The following MAN1C1 variants were observed in gnomAD, a reference collection of about 807,000 sequenced individuals.
MAN1C1 encodes the protein mannosidase alpha class 1C member 1.
Under a neutral mutation model 71.5 loss-of-function variants are expected in MAN1C1, and 49 were observed. The ratio of observed to expected loss-of-function variants is 0.69; its 90% CI spans 0.54 to 0.87. The LOEUF is 0.87. Among genes scored for constraint, MAN1C1 ranks in the 40% least tolerant of loss-of-function variants. The pLI is 0.00. For synonymous variants in MAN1C1, 352 were observed against 343.7 expected, an observed-to-expected ratio of 1.02 and a Z score of -0.27; for missense variants, 743 against 835.0, an observed-to-expected ratio of 0.89 and a Z score of 1.36.
chr1:25,682,962 TG>T (rs983284795), intron 1 of MAN1C1, among the ~76,000 whole-genome samples: 1 of 150,238 alleles, frequency 6.7e-6, no homozygotes, highest in Non-Finnish European at 1.5e-5. Flanking sequence ...TGCTTGAGTC[TG>T]GGAGGCAGAG....
intron 2 of MAN1C1, among the ~76,000 whole-genome samples, chr1:25,741,393 A>T (rs2047062393): frequency 6.6e-6 from 1 of 152,214 alleles, no homozygotes; most frequent in African/African-American, 2.4e-5. Context: ...GGGAGGAACC[A>T]GCACAGGAGA....
chr1:25,733,743 C>T (rs559854554), intron 2 of MAN1C1, among the ~76,000 whole-genome samples: 4 of 152,242 alleles, frequency 2.6e-5, no homozygotes, highest in South Asian at 2.1e-4. Context: ...CCTCAATCTT[C>T]GTCTGTAAGA....
chr1:25,768,905 C>T (rs1358404356), intron 7 of MAN1C1, among the ~76,000 whole-genome samples: 1 of 147,294 alleles, frequency 6.8e-6, no homozygotes, highest in Non-Finnish European at 1.5e-5. Flanking sequence ...ATTACACACA[C>T]TTTCCTCACA....
intron 9 of MAN1C1, chr1:25,780,700 T>G: frequency 2.1e-6 from 1 of 476,796 alleles, no homozygotes; most frequent in Non-Finnish European, 3.8e-6. Flanking sequence ...ACTCTCAGAG[T>G]CCAAAGCTGC....
intron 1 of MAN1C1, among the ~76,000 whole-genome samples, chr1:25,683,418 C>T (rs1413045441): frequency 6.6e-6 from 1 of 152,222 alleles, no homozygotes; most frequent in Non-Finnish European, 1.5e-5. Context: ...AGAGCCAATT[C>T]AGCAAATACT....
intron 1 of MAN1C1, among the ~76,000 whole-genome samples, chr1:25,684,764 TA>T (rs1223570938): frequency 1.3e-5 from 2 of 152,284 alleles, no homozygotes; most frequent in Admixed American, 1.3e-4. Flanking sequence ...AGTGGGCCGC[TA>T]AGGCGGGAAA....
chr1:25,687,458 G>T (rs2046248122), intron 2 of MAN1C1, among the ~76,000 whole-genome samples: 1 of 152,190 alleles, frequency 6.6e-6, no homozygotes, highest in East Asian at 1.9e-4. Context: ...CAGGAGTGGT[G>T]TGGGGCTGGA....
chr1:25,643,291 G>T (rs143439966), intron 1 of MAN1C1, among the ~76,000 whole-genome samples: 1 of 151,246 alleles, frequency 6.6e-6, no homozygotes, highest in Non-Finnish European at 1.5e-5. Flanking sequence ...TTTCATTCTT[G>T]TCACCCAGGC....
chr1:25,732,979 C>T (rs1268158233), intron 2 of MAN1C1, among the ~76,000 whole-genome samples: 2 of 152,180 alleles, frequency 1.3e-5, no homozygotes, highest in African/African-American at 4.8e-5. Context: ...ACAATGTATA[C>T]CCAAGACAGC....
At chr1:25,638,552 A>T (rs911331850) in intron 1 of MAN1C1, among the ~76,000 whole-genome samples, 7 of 151,696 alleles carry the variant, frequency 4.6e-5, no homozygotes, top group African/African-American at 1.5e-4. Context: ...CCTTCTTAAC[A>T]TTTTTTTTGT....
intron 2 of MAN1C1, among the ~76,000 whole-genome samples, chr1:25,718,535 C>T (rs2046714595): frequency 6.6e-6 from 1 of 152,196 alleles, no homozygotes. Context: ...GTATAAACAT[C>T]ATCAGAATGT....
At chr1:25,737,752 A>G (rs1293329492) in intron 2 of MAN1C1, among the ~76,000 whole-genome samples, 1 of 152,070 alleles carries the variant, frequency 6.6e-6, no homozygotes, top group Non-Finnish European at 1.5e-5. Context: ...GTGGCTCAGG[A>G]ACGTCTTGGG....
intron 2 of MAN1C1, among the ~76,000 whole-genome samples, chr1:25,690,797 G>T (rs948378264): frequency 2.6e-5 from 4 of 152,352 alleles, no homozygotes; most frequent in Admixed American, 2.0e-4. Context: ...GCTTAGCCCC[G>T]TGCCAGGCAC....
chr1:25,699,867 C>G (rs2046415937), intron 2 of MAN1C1, among the ~76,000 whole-genome samples: 1 of 152,204 alleles, frequency 6.6e-6, no homozygotes, highest in South Asian at 2.1e-4. Flanking sequence ...CAGGGCTTCA[C>G]TTCCCGCTGC....
At chr1:25,621,921 G>C (rs942982132) in intron 1 of MAN1C1, among the ~76,000 whole-genome samples, 1 of 152,126 alleles carries the variant, frequency 6.6e-6, no homozygotes, top group African/African-American at 2.4e-5. Context: ...GAGCCACCGC[G>C]CCTGGCCAGT....
rs1182716843 is a variant in MAN1C1 at position 25,720,839 on chromosome 1, T to C, written c.638-25829T>C. Among the ~76,000 whole-genome samples, 8 of 152,204 alleles carry C rather than the reference T, an allele frequency of 5.3e-5. No individual in the cohort carries two copies. In the South Asian group the frequency reaches 1.7e-3, roughly 31 times the overall value. ...TAGGCCATGACTCATTTCGAGTTTA[T>C]TTGGGGTTGTGGTGTGAGGTAGGAC... is the stretch of plus-strand genomic sequence containing the variant. On this transcript the variant is annotated intron_variant, in intron 2 of 11. Coordinates refer to ENST00000374332, the MANE Select transcript of MAN1C1 (RefSeq NM_020379.4).
intron 8 of MAN1C1, 95 bp downstream of exon 8, chr1:25,771,867 G>T (rs1285435597): frequency 2.2e-6 from 2 of 901,224 alleles, no homozygotes; most frequent in African/African-American, 1.7e-5. Flanking sequence ...GGGGCCAGAT[G>T]GGCCGAGACT....
chr1:25,622,726 G>C (rs2045233310), intron 1 of MAN1C1, among the ~76,000 whole-genome samples: 1 of 152,224 alleles, frequency 6.6e-6, no homozygotes, highest in Non-Finnish European at 1.5e-5. Flanking sequence ...GAGCACCCCA[G>C]CTCTTGCCCT....
rs1213717264 is a variant in MAN1C1, at chr1:25,784,019, A to G, written c.*230A>G. On this transcript the variant is annotated 3_prime_UTR_variant, in exon 12 of 12. Coordinates refer to ENST00000374332, the MANE Select transcript of MAN1C1 (RefSeq NM_020379.4). ...GCCCACACATTCCTTTCTACAGAGAATTTCTATGAAGCCCACTCACTTGCC... is the reference window on the plus strand; with the variant it reads ...GCCCACACATTCCTTTCTACAGAGAGTTTCTATGAAGCCCACTCACTTGCC... 8.6e-6 allele frequency: 4 copies of G among 463,926 alleles called. No homozygotes were observed. The highest frequency in any genetic ancestry group is 1.1e-5 in the Non-Finnish European group (3 of 268,142). 28.7% of individuals were successfully genotyped at this position (463,926 alleles called of 1,614,324 possible).
Sources: allele counts gnomAD v4.1 joint callset (sites outside exome capture counted in the v4.1 genomes callset), GRCh38; gene constraint gnomAD v4.1.1; transcripts MANE v1.5; gene names NCBI Gene and HGNC (gene_info 2026-07-23, HGNC 2026-07-21).